The following PCDH11X variants were observed in gnomAD, a reference collection of about 807,000 sequenced individuals.
PCDH11X encodes protocadherin-11 X-linked.
In PCDH11X, 18 loss-of-function variants were observed where a neutral mutation model predicts 53.3. The ratio of observed to expected loss-of-function variants is 0.34; its 90% CI spans 0.23 to 0.50. The LOEUF is 0.50. Among genes scored for constraint, PCDH11X ranks in the 20% least tolerant of loss-of-function variants. The probability of loss-of-function intolerance (pLI) is 0.98; values close to 1 mark genes in which losing one functional copy is unlikely to be tolerated. For synonymous variants in PCDH11X, 279 were observed against 393.3 expected, an observed-to-expected ratio of 0.71 and a Z score of 3.44; for missense variants, 570 against 1,032.4, an observed-to-expected ratio of 0.55 and a Z score of 6.14.
At chrX:92,597,063 C>T (rs1480316568) in intron 10 of PCDH11X, among the ~76,000 whole-genome samples, 3 of 111,449 alleles carry the variant, frequency 2.7e-5, no homozygotes, top group African/African-American at 9.8e-5. Flanking sequence ...AGACCCACAG[C>T]TAGTATATCA....
chrX:91,831,173 A>T (rs1308319559), intron 4 of PCDH11X, among the ~76,000 whole-genome samples: 1 of 111,378 alleles, frequency 9.0e-6, no homozygotes, highest in Non-Finnish European at 1.9e-5. Flanking sequence ...TGCTTTCTCT[A>T]ATTGTCATTA....
intron 8 of PCDH11X, among the ~76,000 whole-genome samples, chrX:92,275,794 A>G (rs1246606325): frequency 9.0e-6 from 1 of 111,527 alleles, no homozygotes; most frequent in Non-Finnish European, 1.9e-5. Flanking sequence ...CTTTTACAGC[A>G]TGCTGTGGGA....
chrX:92,314,142 A>G (rs1387198903), intron 8 of PCDH11X, among the ~76,000 whole-genome samples: 3 of 112,495 alleles, frequency 2.7e-5, no homozygotes, highest in Non-Finnish European at 5.6e-5. Flanking sequence ...TTAGTTTAAA[A>G]CACAAAGATA....
rs1296051942 is a variant in PCDH11X, at chrX:91,914,120, C to T, written c.3033+34847C>T. 9.0e-5 allele frequency among the ~76,000 whole-genome samples: 10 copies of T among 111,436 alleles called. No individual in the cohort carries two copies. The East Asian group carries it at 2.8e-3, about 32-fold the overall frequency. Reference sequence around the variant, plus strand: ...GCAGCATCAGCCCAGAGCCTGGTAGCCCCACTCAGTGGCTAGACTCAGAAG... The same window carrying T: ...GCAGCATCAGCCCAGAGCCTGGTAGTCCCACTCAGTGGCTAGACTCAGAAG... On this transcript the variant is annotated intron_variant, in intron 6 of 10. Coordinates refer to ENST00000682573, the MANE Select transcript of PCDH11X (RefSeq NM_032968.5).
chrX:92,540,686 A>G (rs2074740642), intron 10 of PCDH11X, among the ~76,000 whole-genome samples: 1 of 106,686 alleles, frequency 9.4e-6, no homozygotes, highest in Non-Finnish European at 1.9e-5. Flanking sequence ...AAGTCAGTAC[A>G]TCTCAGAGCC....
At chrX:92,316,697 A>C (rs2069084016) in intron 8 of PCDH11X, among the ~76,000 whole-genome samples, 1 of 111,078 alleles carries the variant, frequency 9.0e-6, no homozygotes, top group African/African-American at 3.3e-5. Flanking sequence ...CTTTACAAAT[A>C]ACTTACTGGG....
intron 10 of PCDH11X, among the ~76,000 whole-genome samples, chrX:92,493,881 A>G (rs746504331): frequency 1.8e-4 from 20 of 109,479 alleles, no homozygotes; most frequent in African/African-American, 6.6e-4. Context: ...TCCTGAGCTC[A>G]GGCAATCCAA....
chrX:92,617,204 C>T (rs1928068496), intron 10 of PCDH11X, among the ~76,000 whole-genome samples: 1 of 111,429 alleles, frequency 9.0e-6, no homozygotes, highest in Non-Finnish European at 1.9e-5. Context: ...AGATATTCCC[C>T]TGTTTCTAAT....
intron 6 of PCDH11X, among the ~76,000 whole-genome samples, chrX:91,969,200 T>C (rs1415160271): frequency 9.1e-6 from 1 of 109,652 alleles, no homozygotes; most frequent in East Asian, 2.9e-4. Context: ...GGTTAAAAAG[T>C]GATTACCTCA....
chrX:92,321,184 G>GTTGTTTTT (rs1556361913), intron 8 of PCDH11X, among the ~76,000 whole-genome samples: 1 of 84,879 alleles, frequency 1.2e-5, no homozygotes. Context: ...TGAACTGTAA[G>GTTGTTTTT]TTTTTTTTTG....
intron 9 of PCDH11X, among the ~76,000 whole-genome samples, chrX:92,406,810 C>A (rs2148595834): frequency 9.3e-6 from 1 of 107,176 alleles, no homozygotes; most frequent in East Asian, 3.0e-4. Flanking sequence ...ACCTGTAATC[C>A]CAGCTACTTG....
intron 8 of PCDH11X, among the ~76,000 whole-genome samples, chrX:92,366,457 A>AT (rs1203359465): frequency 9.1e-6 from 1 of 109,535 alleles, no homozygotes; most frequent in African/African-American, 3.3e-5. Flanking sequence ...GGATTCACTG[A>AT]TTTTTTTGAA....
At chrX:92,544,760 C>G (rs1375169442) in intron 10 of PCDH11X, among the ~76,000 whole-genome samples, 2 of 108,897 alleles carry the variant, frequency 1.8e-5, no homozygotes, top group Non-Finnish European at 3.8e-5. Context: ...CTAATCAAAG[C>G]TTTCATGAAG....
chrX:92,502,476 T>C (rs960586917), intron 10 of PCDH11X, among the ~76,000 whole-genome samples: 1 of 109,509 alleles, frequency 9.1e-6, no homozygotes, highest in Non-Finnish European at 1.9e-5. Context: ...CAAACAGTGC[T>C]ACAAGGCTGC....
In PCDH11X at chrX:92,441,367, T is replaced by G. The variant is rs758595904; in HGVS notation, c.3344-26932T>G. Among the ~76,000 whole-genome samples, 195 of 111,056 alleles carry G rather than the reference T, an allele frequency of 1.8e-3. 1 individual carries two copies. Among genetic ancestry groups the G allele is most frequent in the African/African-American group, 6.1e-3 (187 of 30,634 alleles). On this transcript the variant is annotated intron_variant, in intron 9 of 10. Transcript: ENST00000682573. ...ATATCTCCAGGGCACACCAGGAGGC[T>G]TTATGGCAGCCCCTCCTATCACAAG...
At chrX:92,610,358 AT>A (rs774394047) in intron 10 of PCDH11X, among the ~76,000 whole-genome samples, 15 of 108,984 alleles carry the variant, frequency 1.4e-4, no homozygotes, top group East Asian at 2.9e-4. Flanking sequence ...ATGATGAGGA[AT>A]TTTTTTTATA....
At chrX:92,578,005 C>T (rs1453440716) in intron 10 of PCDH11X, among the ~76,000 whole-genome samples, 1 of 108,152 alleles carries the variant, frequency 9.2e-6, no homozygotes. Context: ...AATGCATATT[C>T]TGTTGTTTTT....
At chrX:92,076,315 C>G (rs1304470699) in intron 6 of PCDH11X, among the ~76,000 whole-genome samples, 2 of 103,383 alleles carry the variant, frequency 1.9e-5, no homozygotes, top group Admixed American at 1.1e-4. Flanking sequence ...GAGACCACAG[C>G]AATTTTTTGT....
chrX:92,292,256 T>C (rs2068509050), intron 8 of PCDH11X, among the ~76,000 whole-genome samples: 1 of 112,388 alleles, frequency 8.9e-6, no homozygotes, highest in Admixed American at 9.5e-5. Flanking sequence ...ATATTTTGAA[T>C]GTCATAACAA....
Sources: allele counts gnomAD v4.1 joint callset (sites outside exome capture counted in the v4.1 genomes callset), GRCh38; gene constraint gnomAD v4.1.1; transcripts MANE v1.5; gene names NCBI Gene and HGNC (gene_info 2026-07-23, HGNC 2026-07-21).